The following MBNL1 variants were observed in gnomAD, a reference collection of about 807,000 sequenced individuals.
MBNL1 encodes the protein muscleblind like splicing regulator 1.
MBNL1 carries 8 observed loss-of-function variants against 42.2 expected under a neutral mutation model. The ratio of observed to expected loss-of-function variants is 0.19; its 90% CI spans 0.11 to 0.34. MBNL1 has a LOEUF of 0.34. MBNL1 is among the 10% of genes least tolerant of loss of function. The probability of loss-of-function intolerance (pLI) is 1.00; values close to 1 mark genes in which losing one functional copy is unlikely to be tolerated. For missense variants in MBNL1, 309 were observed against 495.3 expected (o/e 0.62, Z 3.57); for synonymous variants, 169 against 173.9 (o/e 0.97, Z 0.22).
chr3:152,424,408 T>C (rs369193201), intron 3 of MBNL1, among the ~76,000 whole-genome samples: 2 of 151,914 alleles, frequency 1.3e-5, no homozygotes, highest in African/African-American at 2.4e-5. Flanking sequence ...AAACCACTGC[T>C]CAAGGAAATA....
chr3:152,348,206 T>C (rs2094518143), intron 2 of MBNL1, among the ~76,000 whole-genome samples: 1 of 152,142 alleles, frequency 6.6e-6, no homozygotes, highest in African/African-American at 2.4e-5. Context: ...CTGTCCCTTA[T>C]GGAGAAAAAT....
At chr3:152,362,208 G>A (rs191052205) in intron 2 of MBNL1, among the ~76,000 whole-genome samples, 220 of 152,294 alleles carry the variant, frequency 1.4e-3, no homozygotes, top group Admixed American at 3.7e-3. Context: ...AAGCCTGATT[G>A]ACTTGCAGAT....
rs146793267 is a variant in MBNL1, at chr3:152,318,489, A to G, written c.174+18122A>G. Among the ~76,000 whole-genome samples, 595 of 152,278 alleles carry G rather than the reference A, an allele frequency of 3.9e-3. 1 individual carries two copies. Among genetic ancestry groups the G allele is most frequent in the African/African-American group, 0.014 (565 of 41,578 alleles). ...AAACTGCATTTTATTTGTTCTAATGATAAAATGTTTTAAGTTTATAAAATT... is the reference window on the plus strand; with the variant it reads ...AAACTGCATTTTATTTGTTCTAATGGTAAAATGTTTTAAGTTTATAAAATT... On this transcript the variant is annotated intron_variant, in intron 2 of 9. Transcript: ENST00000324210.
chr3:152,433,546 C>T (rs1044160300), intron 4 of MBNL1, among the ~76,000 whole-genome samples: 3 of 151,778 alleles, frequency 2.0e-5, no homozygotes, highest in African/African-American at 7.3e-5. Context: ...GACAGGAGAT[C>T]GAGACCATCC....
chr3:152,286,501 T>C (rs888127679), intron 1 of MBNL1, among the ~76,000 whole-genome samples: 1 of 142,464 alleles, frequency 7.0e-6, no homozygotes, highest in African/African-American at 2.6e-5. Flanking sequence ...ATTTATAATA[T>C]AAATATTTAT....
chr3:152,359,900 A>G (rs1470917563), intron 2 of MBNL1, among the ~76,000 whole-genome samples: 2 of 152,230 alleles, frequency 1.3e-5, no homozygotes, highest in South Asian at 2.1e-4. Flanking sequence ...CAGTCTCACT[A>G]TAAAATACAA....
chr3:152,371,782 G>A (rs1382988881), intron 2 of MBNL1, among the ~76,000 whole-genome samples: 1 of 151,952 alleles, frequency 6.6e-6, no homozygotes, highest in Non-Finnish European at 1.5e-5. Context: ...CGTGTCTTGG[G>A]GCTGCTCTTC....
At chr3:152,443,510 C>CACACACACACACAAG (rs1181527800) in intron 4 of MBNL1, among the ~76,000 whole-genome samples, 5 of 40,344 alleles carry the variant, frequency 1.2e-4, no homozygotes, top group Admixed American at 4.6e-4. Flanking sequence ...ACACACACAA[C>CACACACACACACAAG]TTTTTATCAT....
At chr3:152,351,015 C>CA (rs34213833) in intron 2 of MBNL1, among the ~76,000 whole-genome samples, 1 of 152,026 alleles carries the variant, frequency 6.6e-6, no homozygotes, top group Non-Finnish European at 1.5e-5. Context: ...AGGTGAACCT[C>CA]AAAAGCTGTT....
intron 8 of MBNL1, 145 bp downstream of exon 8, chr3:152,456,506 G>T: frequency 1.5e-6 from 1 of 664,504 alleles, no homozygotes; most frequent in Admixed American, 2.2e-5. Flanking sequence ...TAAGCATGGG[G>T]TTTCAAAGAT....
At chr3:152,256,273 C>G (rs954483101) in intron 2 of MBNL1, among the ~76,000 whole-genome samples, 1 of 152,090 alleles carries the variant, frequency 6.6e-6, no homozygotes, top group Non-Finnish European at 1.5e-5. Flanking sequence ...TTTGTAAACT[C>G]AATGTTTTCA....
intron 6 of MBNL1, among the ~76,000 whole-genome samples, chr3:152,449,936 C>T (rs13099010): frequency 1.3e-5 from 2 of 151,940 alleles, no homozygotes; most frequent in African/African-American, 4.8e-5. Context: ...GAAACCCCAT[C>T]TCTACTAAAA....
rs137969557 is a variant in MBNL1, at chr3:152,288,104, G to A, written c.-789-11301G>A. On this transcript the variant is annotated intron_variant, in intron 1 of 9. Transcript: ENST00000324210. ...AAAATCACATTGTCAAAATAAAAGC[G>A]TTGGTAATGCTCACATTCTGCCAAC... Among the ~76,000 whole-genome samples the A allele has an allele frequency of 6.5e-4, 99 of 152,236 alleles. 1 individual carries two copies. Among genetic ancestry groups the A allele is most frequent in the African/African-American group, 2.3e-3 (94 of 41,544 alleles).
At chr3:152,429,411 T>C (rs899786474) in intron 3 of MBNL1, among the ~76,000 whole-genome samples, 3 of 152,192 alleles carry the variant, frequency 2.0e-5, no homozygotes, top group Admixed American at 2.0e-4. Flanking sequence ...CAAAAGGCAA[T>C]TATAAACCAA....
intron 5 of MBNL1, among the ~76,000 whole-genome samples, chr3:152,446,073 A>G (rs998366995): frequency 6.6e-6 from 1 of 152,214 alleles, no homozygotes; most frequent in Non-Finnish European, 1.5e-5. Flanking sequence ...TAAACATAAT[A>G]GTAACACTAG....
At chr3:152,322,811 G>C (rs893987040) in intron 2 of MBNL1, among the ~76,000 whole-genome samples, 1 of 152,076 alleles carries the variant, frequency 6.6e-6, no homozygotes, top group Admixed American at 6.6e-5. Flanking sequence ...ACTGTGACAA[G>C]AAGAGCAACA....
intron 3 of MBNL1, among the ~76,000 whole-genome samples, chr3:152,420,852 A>G (rs1264282324): frequency 1.3e-5 from 2 of 152,206 alleles, no homozygotes; most frequent in Non-Finnish European, 2.9e-5. Context: ...AACCCAATGC[A>G]AGGAAGTTAA....
intron 8 of MBNL1, among the ~76,000 whole-genome samples, chr3:152,456,712 T>C (rs1244289924): frequency 6.6e-6 from 1 of 152,244 alleles, no homozygotes; most frequent in African/African-American, 2.4e-5. Context: ...TTAAGGTTTT[T>C]ATTTAAAATA....
chr3:152,268,694 G>A, upstream of MBNL1: 2 of 444,110 alleles, frequency 4.5e-6, no homozygotes, highest in South Asian at 3.1e-5. Context: ...CTGGGCGACC[G>A]CCCATGACCC....
Sources: allele counts gnomAD v4.1 joint callset (sites outside exome capture counted in the v4.1 genomes callset), GRCh38; gene constraint gnomAD v4.1.1; transcripts MANE v1.5; gene names NCBI Gene and HGNC (gene_info 2026-07-23, HGNC 2026-07-21).